The following OSBPL7 variants were observed in gnomAD, a reference collection of about 807,000 sequenced individuals.
The protein encoded by OSBPL7 is oxysterol-binding protein-related protein 7.
In OSBPL7, 66 loss-of-function variants were observed where a neutral mutation model predicts 115.8. The ratio of observed to expected loss-of-function variants is 0.57; its 90% CI spans 0.47 to 0.70. The LOEUF is 0.70. Ranked by LOEUF, OSBPL7 falls within the 30% of genes least tolerant of loss-of-function variation. The probability of loss-of-function intolerance (pLI) is 0.00; values close to 1 mark genes in which losing one functional copy is unlikely to be tolerated. For missense variants in OSBPL7, 902 were observed against 1,125.5 expected (o/e 0.80, Z 2.84); for synonymous variants, 441 against 439.2 (o/e 1.00, Z -0.05).
At chr17:47,821,118 G>A (rs2033382331) in intron 1 of OSBPL7, among the ~76,000 whole-genome samples, 1 of 152,168 alleles carries the variant, frequency 6.6e-6, no homozygotes, top group Non-Finnish European at 1.5e-5. Flanking sequence ...GACATGCCCA[G>A]GTCTGCACAG....
chr17:47,810,899 CT>C, intron 16 of OSBPL7, 64 bp from the exon 17 acceptor site: 1 of 1,501,600 alleles, frequency 6.7e-7, no homozygotes, highest in East Asian at 2.3e-5. Context: ...CCCAAAGTCC[CT>C]TATTCCCACC....
In OSBPL7 at chr17:47,819,018, G is replaced by C; in HGVS notation, c.337C>G (p.Leu113Val). Residue 113 changes from leucine to valine, a missense_variant, in exon 5 of 23, where the codon CTT becomes GTT. Physicochemically the swap from Leu to Val is conservative, Grantham distance 32. Transcript: ENST00000007414. ...TGGTAGATGTTGTCTTCAGTGTCAA[G>C]GTCAATGCGCTGGGCCTTTTTGTTG... ...SINKKAQRID[L>V]DTEDNIYHLK... 1.9e-6 allele frequency: 3 copies of C among 1,614,112 alleles called. No homozygotes were observed. The highest frequency in any genetic ancestry group is 2.5e-6 in the Non-Finnish European group (3 of 1,179,972).
intron 16 of OSBPL7, among the ~76,000 whole-genome samples, chr17:47,811,104 T>C (rs1467948451): frequency 6.6e-6 from 1 of 152,062 alleles, no homozygotes; most frequent in Non-Finnish European, 1.5e-5. Context: ...TGCTCAAGCC[T>C]GAAAAGTTCC....
chr17:47,808,108 C>A lies in OSBPL7; in HGVS notation c.*183G>T. The A allele has an allele frequency of 1.7e-6, 1 of 593,652 alleles. No homozygotes were observed. Among genetic ancestry groups the A allele is most frequent in the South Asian group, 2.0e-5 (1 of 49,352 alleles). The allele number at this position is 593,652 out of a possible 1,614,324, so 36.8% of individuals were successfully genotyped here. ...CACAGATTCTGCTTCTCACCCCAAACGGTGGGGTTGGGGGTGGGCTGAGAT... is the reference window on the plus strand; with the variant it reads ...CACAGATTCTGCTTCTCACCCCAAAAGGTGGGGTTGGGGGTGGGCTGAGAT... On this transcript the variant is annotated 3_prime_UTR_variant, in exon 23 of 23. Coordinates refer to ENST00000007414, the MANE Select transcript of OSBPL7 (RefSeq NM_145798.3). This position sits in a 1 kb window ranked among gnomAD's most constrained non-coding sequence, Gnocchi z 6.1.
rs571896479 is a variant in OSBPL7, at chr17:47,821,727, T to G, written c.-149A>C. ...GCGCCGCTCTGCCTCTGAGTCACCG[T>G]CTCCGAGTCACCGGCTCCCTCCTCA... On this transcript the variant is annotated 5_prime_UTR_variant, in exon 1 of 23. Coordinates refer to ENST00000007414, the MANE Select transcript of OSBPL7 (RefSeq NM_145798.3). The G allele has an allele frequency of 1.4e-3, 208 of 152,392 alleles. 1 individual carries two copies. The highest frequency in any genetic ancestry group is 2.7e-3 in the Admixed American group (42 of 15,300). The allele number at this position is 152,392 out of a possible 1,614,324, so 9.4% of individuals were successfully genotyped here.
chr17:47,819,823 G>A (rs778550713), intron 3 of OSBPL7, 41 bp from the exon 4 acceptor site: 2 of 1,613,584 alleles, frequency 1.2e-6, no homozygotes, highest in Non-Finnish European at 8.5e-7. Context: ...GGGAGGCCGA[G>A]AGGAAGGGCA....
intron 5 of OSBPL7, 119 bp downstream of exon 5, chr17:47,818,867 T>A: frequency 3.1e-6 from 3 of 957,192 alleles, no homozygotes; most frequent in Non-Finnish European, 4.8e-6. Flanking sequence ...GAAACTTACT[T>A]TTTGTCAAAC....
rs1952427594 is a variant in OSBPL7 at position 47,816,733 on chromosome 17, C to T, written c.796-38G>A. The T allele has an allele frequency of 6.2e-7, 1 of 1,613,992 alleles. No homozygotes were observed. The highest frequency in any genetic ancestry group is 1.3e-5 in the African/African-American group (1 of 74,920). On this transcript the variant is annotated intron_variant, in intron 9 of 22. Coordinates refer to ENST00000007414, the MANE Select transcript of OSBPL7 (RefSeq NM_145798.3). This position sits in a 1 kb window ranked among gnomAD's most constrained non-coding sequence, Gnocchi z 5.8. ...GGGAAGGGCTGAAGGGGCCGGCCTC[C>T]TTAGAGCATCCTGCCCCAGCTACGT...
chr17:47,815,970 G>C, intron 12 of OSBPL7, 137 bp downstream of exon 12: 1 of 668,392 alleles, frequency 1.5e-6, no homozygotes. Flanking sequence ...TTACCTTATG[G>C]GAAAGACAAT....
At chr17:47,819,240 G>A in intron 4 of OSBPL7, 141 bp from the exon 5 acceptor site, 5 of 650,834 alleles carry the variant, frequency 7.7e-6, no homozygotes, top group Non-Finnish European at 1.4e-5. Context: ...ACTATCAGTA[G>A]AGACTTGTCA....
rs746388178 is a variant in OSBPL7 at position 47,807,998 on chromosome 17, A to C, written c.*293T>G. 2.3e-6 allele frequency: 1 copy of C among 443,514 alleles called. No homozygotes were observed. Among genetic ancestry groups the C allele is most frequent in the Non-Finnish European group, 4.2e-6 (1 of 240,464 alleles). 27.5% of individuals were successfully genotyped at this position (443,514 alleles called of 1,614,324 possible). ...ATCCTGGGAGCCAGAGTCTCCCCCA[A>C]GTACCCCAAAGGGGACAGGAATCGG... On this transcript the variant is annotated 3_prime_UTR_variant, in exon 23 of 23. Coordinates refer to ENST00000007414, the MANE Select transcript of OSBPL7 (RefSeq NM_145798.3).
At chr17:47,809,553 T>C (rs780558924) in intron 18 of OSBPL7, 75 bp from the exon 19 acceptor site, 2 of 1,543,638 alleles carry the variant, frequency 1.3e-6, no homozygotes, top group Non-Finnish European at 1.8e-6. Context: ...CCTGTCTTGC[T>C]GAAGCAGGTC....
chr17:47,815,411 G>A (rs1456008506), intron 12 of OSBPL7, 59 bp from the exon 13 acceptor site: 2 of 1,600,278 alleles, frequency 1.2e-6, no homozygotes, highest in African/African-American at 1.3e-5. Flanking sequence ...GATCAAGCAG[G>A]GCACCCGCTT....
Position 47,808,468 on chromosome 17 carries a change from C to T in OSBPL7, c.2421-69G>A. The T allele has an allele frequency of 1.2e-6, 2 of 1,613,790 alleles. No individual in the cohort carries two copies. Among genetic ancestry groups the T allele is most frequent in the South Asian group, 1.1e-5 (1 of 91,072 alleles). On this transcript the variant is annotated intron_variant, in intron 22 of 22. Coordinates refer to ENST00000007414, the MANE Select transcript of OSBPL7 (RefSeq NM_145798.3). This position sits in a 1 kb window ranked among gnomAD's most constrained non-coding sequence, Gnocchi z 6.1. ...GGCAGGCTAGGGTCCTAAGGTGCTG[C>T]CTCCCACACCTGCCCTGCTCCAAGC...
chr17:47,815,690 T>G, intron 12 of OSBPL7: 1 of 327,866 alleles, frequency 3.1e-6, no homozygotes. Context: ...ACCCCCACTT[T>G]GCAGATTGGA....
At position 47,817,283 on chromosome 17, in the gene OSBPL7, G is replaced by A. The variant is rs771863199; in HGVS notation, c.675C>T (p.Pro225=). Residue 225 remains proline, a synonymous_variant, in exon 8 of 23, where the codon CCC becomes CCT. Transcript: ENST00000007414. Reference sequence around the variant, plus strand: ...GGTGTGTGGGGATAACAGGGGCTGAGGGGATTCGGTGCAGGGACTCCAGGC... The same window carrying A: ...GGTGTGTGGGGATAACAGGGGCTGAAGGGATTCGGTGCAGGGACTCCAGGC... The part of the protein sequence containing the change: ...LQSLESLHRI[P]SAPVIPTHQA... 6.9e-6 allele frequency: 11 copies of A among 1,601,908 alleles called. No homozygotes were observed. The highest frequency in any genetic ancestry group is 7.6e-6 in the Non-Finnish European group (9 of 1,177,072).
chr17:47,818,135 T>A (rs1203164707), intron 7 of OSBPL7, 134 bp downstream of exon 7: 24 of 739,082 alleles, frequency 3.2e-5, no homozygotes, highest in Non-Finnish European at 5.3e-5. Context: ...CCAGGTAGAC[T>A]GGATCTCCTT....
chr17:47,819,563 G>A, intron 4 of OSBPL7, 166 bp downstream of exon 4: 3 of 774,034 alleles, frequency 3.9e-6, no homozygotes, highest in Non-Finnish European at 4.3e-6. Context: ...CATTAGAGGT[G>A]AGGAAGCTAT....
chr17:47,819,921 T>TGCCCCCCCCC, intron 3 of OSBPL7, 50 bp downstream of exon 3: 1 of 1,343,818 alleles, frequency 7.4e-7, no homozygotes, highest in Non-Finnish European at 1.0e-6. Context: ...TGCCCCCCAT[T>TGCCCCCCCCC]CCCACCCCGC....
Sources: allele counts gnomAD v4.1 joint callset (sites outside exome capture counted in the v4.1 genomes callset), GRCh38; gene constraint gnomAD v4.1.1; non-coding constraint Gnocchi (gnomAD v3.1); transcripts MANE v1.5; gene names NCBI Gene and HGNC (gene_info 2026-07-23, HGNC 2026-07-21).